Variants in RTL4 observed in about 807,000 individuals in gnomAD.
RTL4 encodes the protein retrotransposon Gag-like protein 4.
RTL4 carries 4 observed loss-of-function variants against 5.3 expected under a neutral mutation model. The observed-to-expected ratio is 0.75, with a 90% confidence interval of 0.37 to 1.72. The LOEUF is 1.72. RTL4 is among the 40% of genes most tolerant of loss of function. The probability of loss-of-function intolerance (pLI) is 0.04; values close to 1 mark genes in which losing one functional copy is unlikely to be tolerated. For synonymous variants in RTL4, 98 were observed against 87.3 expected (o/e 1.12, Z -0.68); for missense variants, 260 against 227.1 (o/e 1.14, Z -0.93).
At chrX:112,278,901 A>G in the RTL4 span, among the ~76,000 whole-genome samples, 1 of 111,983 alleles carries the variant, frequency 8.9e-6, no homozygotes, top group African/African-American at 3.2e-5. Context: ...TGAGAAAAGG[A>G]TGATTTAAAA....
chrX:112,330,740 T>G, the RTL4 span, among the ~76,000 whole-genome samples: 1 of 111,398 alleles, frequency 9.0e-6, no homozygotes, highest in Non-Finnish European at 1.9e-5. Flanking sequence ...GGCATCACAC[T>G]ACCTGACTTC....
At chrX:112,413,819 C>T in the RTL4 span, among the ~76,000 whole-genome samples, 1 of 110,053 alleles carries the variant, frequency 9.1e-6, no homozygotes, top group Non-Finnish European at 1.9e-5. Flanking sequence ...AATTTAATTG[C>T]ACATATTTAA....
chrX:112,435,119 G>T, the RTL4 span, among the ~76,000 whole-genome samples: 1 of 111,009 alleles, frequency 9.0e-6, no homozygotes, highest in East Asian at 2.8e-4. Flanking sequence ...ACCTCCACCT[G>T]GTCCCATCCT....
the RTL4 span, among the ~76,000 whole-genome samples, chrX:112,149,943 A>G: frequency 8.9e-6 from 1 of 111,942 alleles, no homozygotes; most frequent in Non-Finnish European, 1.9e-5. Flanking sequence ...GGTGATATTT[A>G]AGTAGAGAAA....
At chrX:112,242,974 T>C in the RTL4 span, among the ~76,000 whole-genome samples, 2 of 111,787 alleles carry the variant, frequency 1.8e-5, no homozygotes, top group Admixed American at 1.9e-4. Flanking sequence ...TTTGGTTCTG[T>C]TTACATGATG....
At chrX:112,403,853 GTTTAA>G in the RTL4 span, among the ~76,000 whole-genome samples, 2 of 112,503 alleles carry the variant, frequency 1.8e-5, no homozygotes, top group African/African-American at 6.4e-5. Context: ...ACAGTGTTTA[GTTTAA>G]TTTGTTTCTT....
chrX:112,103,257 C>T, the RTL4 span, among the ~76,000 whole-genome samples: 1 of 111,813 alleles, frequency 8.9e-6, no homozygotes, highest in African/African-American at 3.2e-5. Flanking sequence ...TAATGAGACC[C>T]TGTCCTTTGC....
chrX:112,173,604 A>G, the RTL4 span, among the ~76,000 whole-genome samples: 2 of 111,053 alleles, frequency 1.8e-5, no homozygotes, highest in Admixed American at 1.9e-4. Context: ...ATTTCAGTTA[A>G]AAAAAGAGTT....
the RTL4 span, among the ~76,000 whole-genome samples, chrX:112,244,261 C>G: frequency 9.0e-6 from 1 of 111,674 alleles, no homozygotes; most frequent in African/African-American, 3.3e-5. Flanking sequence ...TGTTAATGTT[C>G]TGTCTTGTTG....
At chrX:112,357,396 A>G in the RTL4 span, among the ~76,000 whole-genome samples, 1 of 111,412 alleles carries the variant, frequency 9.0e-6, no homozygotes, top group East Asian at 2.8e-4. Flanking sequence ...TCATTTGTCT[A>G]TTTCTGGACC....
the RTL4 span, among the ~76,000 whole-genome samples, chrX:112,425,069 C>T: frequency 1.8e-5 from 2 of 111,371 alleles, no homozygotes; most frequent in African/African-American, 6.5e-5. Context: ...CTAAAATCCT[C>T]TGTGCGCTGC....
the RTL4 span, among the ~76,000 whole-genome samples, chrX:112,114,304 G>A: frequency 8.1e-5 from 9 of 111,642 alleles, no homozygotes; most frequent in South Asian, 1.1e-3. Context: ...TACTGGGGAC[G>A]GCTTGCTGAC....
chrX:112,193,549 C>A, the RTL4 span, among the ~76,000 whole-genome samples: 11 of 111,276 alleles, frequency 9.9e-5, no homozygotes, highest in African/African-American at 1.6e-4. Flanking sequence ...ATATAGATCC[C>A]TGAGTTTATC....
chrX:112,451,996 C>T (rs1569329053), upstream of RTL4, among the ~76,000 whole-genome samples: 1 of 111,289 alleles, frequency 9.0e-6, no homozygotes. Context: ...GGATTCATCC[C>T]AGACTTATTG....
the RTL4 span, among the ~76,000 whole-genome samples, chrX:112,262,015 T>C: frequency 8.9e-6 from 1 of 111,795 alleles, no homozygotes; most frequent in Non-Finnish European, 1.9e-5. Flanking sequence ...ACTGGATCCC[T>C]TCCTTACACC....
At chrX:112,319,444 TAGAA>T in the RTL4 span, among the ~76,000 whole-genome samples, 8 of 112,176 alleles carry the variant, frequency 7.1e-5, no homozygotes, top group East Asian at 1.1e-3. Context: ...TCCATAGTAA[TAGAA>T]AGAGTAACAG....
chrX:112,354,097 G>C, the RTL4 span, among the ~76,000 whole-genome samples: 1 of 110,987 alleles, frequency 9.0e-6, no homozygotes, highest in Non-Finnish European at 1.9e-5. Context: ...GCATAGTTTT[G>C]GTACCAGAAG....
the RTL4 span, among the ~76,000 whole-genome samples, chrX:112,319,574 A>T: frequency 8.9e-6 from 1 of 111,908 alleles, no homozygotes; most frequent in East Asian, 2.8e-4. Flanking sequence ...ATACACCCAG[A>T]TAACTGCCAC....
chrX:112,238,211 C>T, the RTL4 span, among the ~76,000 whole-genome samples: 1 of 111,968 alleles, frequency 8.9e-6, no homozygotes, highest in East Asian at 2.8e-4. Context: ...AGTCTCCTAC[C>T]CCTCCACATT....
Sources: allele counts gnomAD v4.1 joint callset (sites outside exome capture counted in the v4.1 genomes callset), GRCh38; gene constraint gnomAD v4.1.1; transcripts MANE v1.5; gene names NCBI Gene and HGNC (gene_info 2026-07-23, HGNC 2026-07-21).